Variants in PARP12 observed in about 807,000 individuals in gnomAD.
PARP12 encodes protein mono-ADP-ribosyltransferase PARP12.
In PARP12, 59 loss-of-function variants were observed where a neutral mutation model predicts 72.4. The observed-to-expected ratio is 0.81, with a 90% confidence interval of 0.66 to 1.01. PARP12 has a LOEUF of 1.01. PARP12 is among the 50% of genes least tolerant of loss of function. The pLI is 0.00. For synonymous variants in PARP12, 403 were observed against 371.4 expected (o/e 1.09, Z -0.98); for missense variants, 851 against 914.0 (o/e 0.93, Z 0.89).
intron 5 of PARP12, among the ~76,000 whole-genome samples, chr7:140,045,491 A>T (rs1816679126): frequency 6.6e-6 from 1 of 152,220 alleles, no homozygotes; most frequent in Non-Finnish European, 1.5e-5. Context: ...AATTTATATA[A>T]TTAGTAAATA....
intron 8 of PARP12, among the ~76,000 whole-genome samples, chr7:140,032,976 G>A (rs1212366194): frequency 3.3e-5 from 5 of 151,860 alleles, no homozygotes; most frequent in African/African-American, 9.7e-5. Context: ...TTTTTGAGAC[G>A]GGTCTCACTC....
At chr7:140,058,142 A>T (rs1817268640) in intron 1 of PARP12, 108 bp from the exon 2 acceptor site, 3 of 1,260,364 alleles carry the variant, frequency 2.4e-6, no homozygotes, top group Non-Finnish European at 3.4e-6. Context: ...TTTGGAAAGA[A>T]GGTCTCTAAA....
intron 6 of PARP12, among the ~76,000 whole-genome samples, chr7:140,040,856 C>T (rs1205202803): frequency 2.6e-5 from 4 of 152,154 alleles, no homozygotes; most frequent in African/African-American, 9.7e-5. Context: ...CTCTGCCTCC[C>T]GGGTTCAAGT....
chr7:140,028,370 C>T (rs1256410276), intron 9 of PARP12, among the ~76,000 whole-genome samples: 1 of 152,286 alleles, frequency 6.6e-6, no homozygotes, highest in Non-Finnish European at 1.5e-5. Flanking sequence ...TCACGCTCAT[C>T]CTCCTCCCTC....
intron 1 of PARP12, among the ~76,000 whole-genome samples, chr7:140,059,599 A>T (rs907553133): frequency 1.3e-5 from 2 of 152,292 alleles, no homozygotes; most frequent in Non-Finnish European, 2.9e-5. Context: ...CCTATGCCAC[A>T]TCTCAGGAGA....
At chr7:140,045,717 G>C (rs1012942815) in intron 5 of PARP12, among the ~76,000 whole-genome samples, 4 of 152,130 alleles carry the variant, frequency 2.6e-5, no homozygotes, top group Non-Finnish European at 5.9e-5. Context: ...AAATCTACAA[G>C]AAGATCAAAA....
chr7:140,035,986 G>C lies in PARP12; in HGVS notation c.1325-1655C>G, dbSNP rs1206550437. On this transcript the variant is annotated intron_variant, in intron 7 of 11. Transcript: ENST00000263549. The stretch of plus-strand genomic sequence containing the variant: ...AGGAGGAGGACGAGGAGGAGGAGGA[G>C]GAGGAGGAGGAGGAGAAGGAGGAGA... 3.8e-5 allele frequency among the ~76,000 whole-genome samples: 3 copies of C among 78,114 alleles called. 1 individual carries two copies. Among genetic ancestry groups the C allele is most frequent in the Admixed American group, 1.5e-4 (1 of 6,822 alleles). The allele number at this position is 78,114 out of a possible 152,430, so 51.2% of individuals were successfully genotyped here.
At chr7:140,030,247 C>G (rs1046733056) in intron 8 of PARP12, among the ~76,000 whole-genome samples, 14 of 152,168 alleles carry the variant, frequency 9.2e-5, no homozygotes, top group African/African-American at 3.4e-4. Context: ...AAGAGAAAAT[C>G]CCTACAACCC....
At position 140,026,448 on chromosome 7, in the gene PARP12, T is replaced by C. The variant is rs902434912; in HGVS notation, c.1629-100A>G. 20 of 1,500,884 alleles carry C rather than the reference T, an allele frequency of 1.3e-5. No homozygotes were observed. The Admixed American group carries it at 3.3e-4, about 25-fold the overall frequency. The allele number at this position is 1,500,884 out of a possible 1,614,324, so 93.0% of individuals were successfully genotyped here. A position where few individuals can be genotyped will look rare whatever the true frequency, so the allele number is the denominator to read the frequency against. ...ACACATTTTTCCAAAATTCCAAAAG[T>C]GTCCTGGGACCAAGAGACGCAGGTC... On this transcript the variant is annotated intron_variant, in intron 10 of 11. Transcript: ENST00000263549.
chr7:140,041,949 A>C, intron 5 of PARP12, 110 bp from the exon 6 acceptor site: 1 of 948,448 alleles, frequency 1.1e-6, no homozygotes, highest in Non-Finnish European at 1.6e-6. Flanking sequence ...TGTGGCATGC[A>C]CATTTTAGAA....
intron 4 of PARP12, among the ~76,000 whole-genome samples, chr7:140,050,118 G>C (rs1816902605): frequency 6.6e-6 from 1 of 152,092 alleles, no homozygotes; most frequent in African/African-American, 2.4e-5. Flanking sequence ...CTAAAACTAT[G>C]GAGCAATGAG....
intron 4 of PARP12, among the ~76,000 whole-genome samples, chr7:140,048,157 T>C (rs1816813640): frequency 5.3e-5 from 8 of 152,144 alleles, no homozygotes; most frequent in Admixed American, 5.2e-4. Flanking sequence ...GTCAGCAGCA[T>C]GGTTACAGGC....
At chr7:140,058,411 T>C (rs2116671151) in intron 1 of PARP12, among the ~76,000 whole-genome samples, 1 of 151,396 alleles carries the variant, frequency 6.6e-6, no homozygotes, top group South Asian at 2.1e-4. Context: ...CTCTGGAGGC[T>C]GAGGCAGAAG....
chr7:140,039,331 C>A (rs1222948957), intron 6 of PARP12, among the ~76,000 whole-genome samples: 1 of 152,238 alleles, frequency 6.6e-6, no homozygotes. Flanking sequence ...CAGTCAGATG[C>A]AGGCGTCCTG....
At chr7:140,061,184 G>A (rs1012534140) in intron 1 of PARP12, among the ~76,000 whole-genome samples, 4 of 152,188 alleles carry the variant, frequency 2.6e-5, no homozygotes, top group African/African-American at 7.2e-5. Flanking sequence ...ACAGGGTCAC[G>A]AGACAGCTTC....
chr7:140,045,176 C>T (rs979382483), intron 5 of PARP12, among the ~76,000 whole-genome samples: 1 of 151,982 alleles, frequency 6.6e-6, no homozygotes, highest in Non-Finnish European at 1.5e-5. Context: ...ACTACAGGCA[C>T]GCGCCACCAT....
At chr7:140,026,867 G>A (rs1585079541) in intron 10 of PARP12, among the ~76,000 whole-genome samples, 1 of 152,162 alleles carries the variant, frequency 6.6e-6, no homozygotes, top group Admixed American at 6.5e-5. Context: ...ACATAGACAG[G>A]TGAGTGGGTG....
Position 140,058,629 on chromosome 7 carries a change from G to C in PARP12, c.327-595C>G, listed in dbSNP as rs147424290. 7.7e-3 allele frequency among the ~76,000 whole-genome samples: 1,172 copies of C among 152,252 alleles called. 9 individuals are homozygous for C. The highest frequency in any genetic ancestry group is 0.011 in the Non-Finnish European group (745 of 68,014). On this transcript the variant is annotated intron_variant, in intron 1 of 11. Transcript: ENST00000263549. ...CAGAAGAAATCAACCCTGCCACCTT[G>C]ATCTCAGACTTCTAGCCTCCAGAAC...
intron 4 of PARP12, among the ~76,000 whole-genome samples, chr7:140,047,365 G>C (rs907759797): frequency 6.6e-6 from 1 of 152,140 alleles, no homozygotes; most frequent in Admixed American, 6.5e-5. Flanking sequence ...TTTATAAGAG[G>C]AAGCGAGACC....
Sources: gnomAD v4.1 joint callset for allele counts (sites outside exome capture counted in the v4.1 genomes callset) on GRCh38, gnomAD v4.1.1 for gene constraint, MANE v1.5 for transcripts, NCBI Gene and HGNC (gene_info 2026-07-23, HGNC 2026-07-21) for gene names.